MYO16: variants seen among roughly 807,000 people sequenced by gnomAD.
MYO16 encodes the protein unconventional myosin-XVI.
Under a neutral mutation model 205.3 loss-of-function variants are expected in MYO16, and 94 were observed. That is an observed-to-expected ratio of 0.46 (90% CI 0.39 to 0.54). MYO16 has a LOEUF of 0.54. MYO16 is among the 20% of genes least tolerant of loss of function. The pLI, the probability that MYO16 is intolerant of heterozygous loss-of-function variation, is 0.00. For synonymous variants in MYO16, 988 were observed against 954.0 expected, an observed-to-expected ratio of 1.04 and a Z score of -0.66; for missense variants, 2,315 against 2,387.5, an observed-to-expected ratio of 0.97 and a Z score of 0.63.
At chr13:109,205,733 G>A (rs932672771) in intron 34 of MYO16, among the ~76,000 whole-genome samples, 2 of 152,174 alleles carry the variant, frequency 1.3e-5, no homozygotes, top group Non-Finnish European at 2.9e-5. Context: ...CTGAAGTCAG[G>A]GGGTAAGCTT....
intron 10 of MYO16, among the ~76,000 whole-genome samples, chr13:108,850,978 A>C (rs59536396): frequency 0.21 from 32,297 of 152,202 alleles, 3,538 homozygotes; most frequent in South Asian, 0.31. Flanking sequence ...GAACAAATGC[A>C]GAACTTCTGT....
chr13:109,021,872 C>G (rs1886034125), intron 23 of MYO16, among the ~76,000 whole-genome samples: 1 of 151,410 alleles, frequency 6.6e-6, no homozygotes, highest in Non-Finnish European at 1.5e-5. Flanking sequence ...AGCAGAGGGC[C>G]TGATACAGGA....
chr13:108,952,888 G>A (rs911776700), intron 16 of MYO16, among the ~76,000 whole-genome samples: 16 of 152,094 alleles, frequency 1.1e-4, no homozygotes, highest in Non-Finnish European at 1.5e-4. Context: ...GGGTATGAAC[G>A]CTAGAGGTTA....
chr13:109,049,925 C>CGTGTGT lies in MYO16; in HGVS notation c.2873-2375_2873-2374insGTGTGT, dbSNP rs1566481323. ...TTGTTCTCCTCTTTCCTTCCTTTGT[C>CGTGTGT]CTGTGTGTGTGTGTGTGTGTGTGTG... On this transcript the variant is annotated intron_variant, in intron 24 of 34. Transcript: ENST00000457511. 5.3e-5 allele frequency among the ~76,000 whole-genome samples: 6 copies of CGTGTGT among 113,334 alleles called. No individual in the cohort carries two copies. The South Asian group carries it at 8.8e-4, about 17-fold the overall frequency. The allele number at this position is 113,334 out of a possible 152,430, so 74.4% of individuals were successfully genotyped here.
intron 9 of MYO16, among the ~76,000 whole-genome samples, chr13:108,836,873 C>T (rs1475844978): frequency 1.3e-5 from 2 of 152,180 alleles, no homozygotes; most frequent in Non-Finnish European, 2.9e-5. Context: ...TTCAAATTTA[C>T]AGGCTCATAG....
chr13:108,826,386 G>A (rs1315971507), intron 9 of MYO16, among the ~76,000 whole-genome samples: 1 of 152,022 alleles, frequency 6.6e-6, no homozygotes, highest in Non-Finnish European at 1.5e-5. Flanking sequence ...ATAATGAGTT[G>A]GACCTGAACT....
At chr13:109,133,937 G>C (rs1211260762) in intron 31 of MYO16, among the ~76,000 whole-genome samples, 1 of 152,070 alleles carries the variant, frequency 6.6e-6, no homozygotes, top group Non-Finnish European at 1.5e-5. Context: ...CTGACCCCCA[G>C]AGGTTCCATT....
intron 4 of MYO16, among the ~76,000 whole-genome samples, chr13:108,736,879 A>G (rs531805677): frequency 6.6e-6 from 1 of 152,276 alleles, no homozygotes; most frequent in East Asian, 1.9e-4. Flanking sequence ...TTGGATTCCT[A>G]GGTATTTTAT....
At chr13:109,048,986 G>A (rs901394145) in intron 24 of MYO16, 8 of 115,834 alleles carry the variant, frequency 6.9e-5, no homozygotes, top group East Asian at 3.0e-4. Context: ...AAAAAAAGCC[G>A]AACTCCAGAC....
At chr13:108,565,403 A>G in the MYO16 span, among the ~76,000 whole-genome samples, 2 of 152,132 alleles carry the variant, frequency 1.3e-5, no homozygotes, top group African/African-American at 2.4e-5. Context: ...TCATTGGTTA[A>G]GTTTATTCCT....
chr13:108,917,376 A>C (rs1209676735), intron 16 of MYO16, among the ~76,000 whole-genome samples: 1 of 152,194 alleles, frequency 6.6e-6, no homozygotes, highest in African/African-American at 2.4e-5. Context: ...AGCAAGGAGC[A>C]ACATGAGGCC....
intron 24 of MYO16, among the ~76,000 whole-genome samples, chr13:109,051,794 G>A (rs763143777): frequency 3.3e-5 from 5 of 152,160 alleles, no homozygotes; most frequent in South Asian, 2.1e-4. Flanking sequence ...TTAAATAAAA[G>A]GACACTTCTT....
chr13:108,508,994 G>C, the MYO16 span, among the ~76,000 whole-genome samples: 1 of 152,204 alleles, frequency 6.6e-6, no homozygotes, highest in African/African-American at 2.4e-5. Context: ...CTCATTAGCT[G>C]TCATTCCTAT....
chr13:109,093,954 T>TA (rs2139696419), intron 27 of MYO16, among the ~76,000 whole-genome samples: 1 of 152,226 alleles, frequency 6.6e-6, no homozygotes, highest in African/African-American at 2.4e-5. Context: ...GACAGTCACC[T>TA]ACAGGATTCT....
In MYO16 at chr13:109,140,150, C is replaced by T; in HGVS notation, c.4052-114C>T. 1 of 1,494,644 alleles carries T rather than the reference C, an allele frequency of 6.7e-7. No homozygotes were observed. The highest frequency in any genetic ancestry group is 8.8e-7 in the Non-Finnish European group (1 of 1,133,066). 92.6% of individuals were successfully genotyped at this position (1,494,644 alleles called of 1,614,324 possible). On this transcript the variant is annotated intron_variant, in intron 31 of 34. Coordinates refer to ENST00000457511, the MANE Select transcript of MYO16 (RefSeq NM_001198950.3). The surrounding 1 kb of genome is among the most constrained non-coding windows in gnomAD (Gnocchi z 8.0). ...GGGTGGAGGAACATGCAGGCCCGGTCCCTTGGGATTCTCGGGGCACGGGGC... is the reference window on the plus strand; with the variant it reads ...GGGTGGAGGAACATGCAGGCCCGGTTCCTTGGGATTCTCGGGGCACGGGGC...
At chr13:109,049,434 G>A (rs993862224) in intron 24 of MYO16, among the ~76,000 whole-genome samples, 6 of 152,138 alleles carry the variant, frequency 3.9e-5, no homozygotes, top group Non-Finnish European at 8.8e-5. Context: ...GCATCTCCCT[G>A]TGCCCATAGG....
At chr13:108,708,464 C>T (rs1169281091) in intron 2 of MYO16, among the ~76,000 whole-genome samples, 1 of 152,150 alleles carries the variant, frequency 6.6e-6, no homozygotes, top group Admixed American at 6.5e-5. Context: ...GAAATAAAAT[C>T]AAACTTACAG....
chr13:109,043,441 A>G (rs1886943161), intron 23 of MYO16, among the ~76,000 whole-genome samples: 2 of 152,040 alleles, frequency 1.3e-5, no homozygotes, highest in African/African-American at 4.8e-5. Context: ...AAATCATCGG[A>G]TTTCCATGCA....
chr13:109,074,550 C>T (rs911684422), intron 27 of MYO16, among the ~76,000 whole-genome samples: 4 of 152,090 alleles, frequency 2.6e-5, no homozygotes, highest in South Asian at 2.1e-4. Context: ...CTCTCTATCA[C>T]GAGAACAGCA....
Sources: gnomAD v4.1 joint callset for allele counts (sites outside exome capture counted in the v4.1 genomes callset) on GRCh38, gnomAD v4.1.1 for gene constraint, Gnocchi (gnomAD v3.1) non-coding constraint, MANE v1.5 for transcripts, NCBI Gene and HGNC (gene_info 2026-07-23, HGNC 2026-07-21) for gene names.